Variants in RIMBP2 observed in about 807,000 individuals in gnomAD.
RIMBP2 encodes RIMS-binding protein 2.
A neutral mutation model predicts 118.6 loss-of-function variants in RIMBP2; 48 were observed. The ratio of observed to expected loss-of-function variants is 0.40; its 90% CI spans 0.32 to 0.51. The LOEUF (loss-of-function observed/expected upper bound fraction) is 0.51, where lower values mean the gene tolerates loss of function less well. Ranked by LOEUF, RIMBP2 falls within the 20% of genes least tolerant of loss-of-function variation. RIMBP2 has a pLI of 0.41. For synonymous variants in RIMBP2, 762 were observed against 742.9 expected, an observed-to-expected ratio of 1.03 and a Z score of -0.42; for missense variants, 1,551 against 1,768.3, an observed-to-expected ratio of 0.88 and a Z score of 2.20.
At chr12:130,531,820 AGATGCCTCTAGGAGTTACGTCT>A in intron 2 of RIMBP2, among the ~76,000 whole-genome samples, 2 of 152,176 alleles carry the variant, frequency 1.3e-5, no homozygotes, top group African/African-American at 4.8e-5. Flanking sequence ...GTCAAAACCC[AGATGCCTCTAGGAGTTACGTCT>A]AATGAGATGC....
intron 1 of RIMBP2, chr12:130,633,933 G>A (rs2062175153): frequency 6.6e-6 from 1 of 152,288 alleles, no homozygotes; most frequent in African/African-American, 2.4e-5. Flanking sequence ...CACCAGGCTG[G>A]AAGGCTATTT....
chr12:130,506,000 G>A (rs1466917690), intron 4 of RIMBP2, among the ~76,000 whole-genome samples: 2 of 150,570 alleles, frequency 1.3e-5, no homozygotes, highest in African/African-American at 4.9e-5. Context: ...AAATGACCCT[G>A]GTAATATATG....
chr12:130,677,194 G>A (rs1311517935), intron 1 of RIMBP2, among the ~76,000 whole-genome samples: 2 of 152,102 alleles, frequency 1.3e-5, no homozygotes. Flanking sequence ...CTTCTACGAG[G>A]AGCATGGCAG....
At position 130,617,355 on chromosome 12, in the gene RIMBP2, T is replaced by A. The variant is rs1185883283; in HGVS notation, c.-217+10967A>T. On this transcript the variant is annotated intron_variant, in intron 2 of 22. Coordinates refer to ENST00000690449, the MANE Select transcript of RIMBP2 (RefSeq NM_001393629.1). The surrounding 1 kb of genome is among the most constrained non-coding windows in gnomAD (Gnocchi z 4.6). ...CCTGCCCTTTGCCTCTCACTGACAT[T>A]TCCTCTCCCTCCTCACTGGAAGGAG... Among the ~76,000 whole-genome samples the A allele has an allele frequency of 6.6e-6, 1 of 152,194 alleles. No homozygotes were observed. Among genetic ancestry groups the A allele is most frequent in the African/African-American group, 2.4e-5 (1 of 41,454 alleles).
At chr12:130,468,003 A>G (rs2080655800) in intron 6 of RIMBP2, among the ~76,000 whole-genome samples, 1 of 152,174 alleles carries the variant, frequency 6.6e-6, no homozygotes, top group Admixed American at 6.5e-5. Flanking sequence ...CTGGCTGAGC[A>G]TGGAAGCAGG....
intron 1 of RIMBP2, among the ~76,000 whole-genome samples, chr12:130,662,705 C>A (rs1475004539): frequency 6.6e-6 from 1 of 151,956 alleles, no homozygotes; most frequent in Non-Finnish European, 1.5e-5. Context: ...CCTGTAATCC[C>A]AGCACTTTAA....
chr12:130,504,285 T>C (rs2050093548), intron 4 of RIMBP2, among the ~76,000 whole-genome samples: 1 of 152,134 alleles, frequency 6.6e-6, no homozygotes, highest in African/African-American at 2.4e-5. Flanking sequence ...GGGGAGGGGC[T>C]GTGAGCCGGC....
chr12:130,663,895 G>A (rs2063759620), intron 1 of RIMBP2, among the ~76,000 whole-genome samples: 1 of 151,666 alleles, frequency 6.6e-6, no homozygotes, highest in East Asian at 1.9e-4. Context: ...ACCAGAAACA[G>A]CCTAAATGCT....
chr12:130,544,804 G>C (rs769249733), intron 2 of RIMBP2, among the ~76,000 whole-genome samples: 1 of 151,914 alleles, frequency 6.6e-6, no homozygotes, highest in Non-Finnish European at 1.5e-5. Context: ...TGTTACCCAA[G>C]CTAGTCTCCA....
At chr12:130,438,336 C>CGGG in intron 12 of RIMBP2, 29 bp downstream of exon 12, 1 of 844,138 alleles carries the variant, frequency 1.2e-6, no homozygotes, top group Non-Finnish European at 2.0e-6. Flanking sequence ...GCCTAACAAA[C>CGGG]CCTCCCCACC....
intron 1 of RIMBP2, among the ~76,000 whole-genome samples, chr12:130,659,305 C>T (rs1440027049): frequency 1.3e-5 from 2 of 152,038 alleles, no homozygotes; most frequent in South Asian, 2.1e-4. Flanking sequence ...GGTGCGGTGG[C>T]TTATGCCTGT....
At chr12:130,440,759 G>T (rs1014836345) in intron 11 of RIMBP2, among the ~76,000 whole-genome samples, 1 of 152,202 alleles carries the variant, frequency 6.6e-6, no homozygotes, top group African/African-American at 2.4e-5. Flanking sequence ...TACGTTAGCT[G>T]CTACCTGGAC....
At chr12:130,440,996 A>AGGCTCACCCCAGTGACT (rs2078073713) in intron 11 of RIMBP2, among the ~76,000 whole-genome samples, 1 of 152,192 alleles carries the variant, frequency 6.6e-6, no homozygotes, top group African/African-American at 2.4e-5. Context: ...CCATCTCCCC[A>AGGCTCACCCCAGTGACT]GGAAAGGAAG....
At chr12:130,488,379 G>A (rs1369004297) in intron 4 of RIMBP2, among the ~76,000 whole-genome samples, 1 of 152,040 alleles carries the variant, frequency 6.6e-6, no homozygotes. Context: ...GCTGAAATTC[G>A]TGGTGTTAGG....
chr12:130,408,317 C>T (rs1433794090), intron 19 of RIMBP2, among the ~76,000 whole-genome samples: 2 of 152,256 alleles, frequency 1.3e-5, no homozygotes, highest in Non-Finnish European at 2.9e-5. Context: ...AACTAAGGCA[C>T]TGTCCTCAGG....
intron 2 of RIMBP2, among the ~76,000 whole-genome samples, chr12:130,589,690 G>A (rs770542104): frequency 2.6e-5 from 4 of 152,098 alleles, no homozygotes; most frequent in African/African-American, 7.2e-5. Flanking sequence ...TAAATAGATC[G>A]AAACATCACA....
rs141970284 is a variant in RIMBP2, at chr12:130,442,301, C to T, written c.1051G>A (p.Val351Ile). 110 of 1,614,082 alleles carry T rather than the reference C, an allele frequency of 6.8e-5. No homozygotes were observed. The highest frequency in any genetic ancestry group is 8.6e-5 in the Non-Finnish European group (102 of 1,180,040). The change falls in exon 11 of 23, where the codon GTC (valine) becomes ATC (isoleucine). Residue 351 changes from valine to isoleucine, a missense_variant. Val to Ile is a conservative substitution (Grantham distance 29). Transcript: ENST00000690449. The surrounding 1 kb of genome is among the most constrained non-coding windows in gnomAD (Gnocchi z 6.9). ...ATGCGTGTCTCCTTGTCCACCAGGA[C>T]GTTGTAGCTGCTCACCGTTCCCCAT... ...PGWGTVSSYN[V>I]LVDKETRMNL... is the part of the protein sequence containing the mutation.
At chr12:130,538,826 G>A (rs1341233967) in intron 2 of RIMBP2, among the ~76,000 whole-genome samples, 1 of 151,966 alleles carries the variant, frequency 6.6e-6, no homozygotes, top group African/African-American at 2.4e-5. Flanking sequence ...GTGGCTTCCT[G>A]CCCCCACTCT....
At chr12:130,468,687 G>C (rs1048869669) in intron 6 of RIMBP2, among the ~76,000 whole-genome samples, 1 of 152,192 alleles carries the variant, frequency 6.6e-6, no homozygotes, top group African/African-American at 2.4e-5. Context: ...GGAAGGTTGT[G>C]AGGCTCAGGC....
Sources: gnomAD v4.1 joint callset for allele counts (sites outside exome capture counted in the v4.1 genomes callset) on GRCh38, gnomAD v4.1.1 for gene constraint, Gnocchi (gnomAD v3.1) non-coding constraint, MANE v1.5 for transcripts, NCBI Gene and HGNC (gene_info 2026-07-23, HGNC 2026-07-21) for gene names.